LDLRAD3: variants seen among roughly 807,000 people sequenced by gnomAD.
The protein encoded by LDLRAD3 is low density lipoprotein receptor class A domain containing 3, also known as low-density lipoprotein receptor class A domain-containing protein 3.
LDLRAD3 carries 20 observed loss-of-function variants against 29.4 expected under a neutral mutation model. The observed-to-expected ratio is 0.68, with a 90% CI of 0.48 to 0.99. The LOEUF is 0.99. Ranked by LOEUF, LDLRAD3 falls within the 50% of genes least tolerant of loss-of-function variation. The pLI is 0.00. For missense variants in LDLRAD3, 420 were observed against 454.3 expected (o/e 0.92, Z 0.69); for synonymous variants, 157 against 192.7 (o/e 0.81, Z 1.53).
chr11:36,119,705 A>T (rs1192292104), intron 4 of LDLRAD3, among the ~76,000 whole-genome samples: 1 of 151,972 alleles, frequency 6.6e-6, no homozygotes, highest in African/African-American at 2.4e-5. Context: ...TTGAGTTGTA[A>T]AAGTTCTTTT....
chr11:36,220,969 TTGC>T lies in LDLRAD3; in HGVS notation c.455-6115_455-6113del, dbSNP rs1454288162. 1.3e-4 allele frequency among the ~76,000 whole-genome samples: 20 copies of T among 152,072 alleles called. No individual in the cohort carries two copies. The South Asian group carries it at 2.9e-3, about 22-fold the overall frequency. On this transcript the variant is annotated intron_variant, in intron 4 of 5. Coordinates refer to ENST00000315571, the MANE Select transcript of LDLRAD3 (RefSeq NM_174902.4). ...CTGAAAAAAAATACTTCTAAAAAAA[TTGC>T]AAGGTAGGAGTTTTTCAAAGGGATG...
At chr11:36,174,691 C>T (rs377732700) in intron 4 of LDLRAD3, among the ~76,000 whole-genome samples, 41 of 152,120 alleles carry the variant, frequency 2.7e-4, no homozygotes, top group Middle Eastern at 3.2e-3. Context: ...GTTAGAATGG[C>T]GATCATTAGG....
chr11:35,995,864 C>G (rs1321561617), intron 1 of LDLRAD3, among the ~76,000 whole-genome samples: 5 of 152,214 alleles, frequency 3.3e-5, no homozygotes, highest in Non-Finnish European at 5.9e-5. Context: ...CCTTCTGCAG[C>G]TTTCTCACCT....
At chr11:36,023,187 G>T (rs534197337) in intron 1 of LDLRAD3, among the ~76,000 whole-genome samples, 6 of 152,274 alleles carry the variant, frequency 3.9e-5, no homozygotes, top group Non-Finnish European at 7.4e-5. Flanking sequence ...CTCCCTGGCG[G>T]GGTTGCTTTC....
intron 1 of LDLRAD3, among the ~76,000 whole-genome samples, chr11:36,024,417 G>C (rs1200985255): frequency 1.3e-5 from 2 of 152,150 alleles, no homozygotes; most frequent in Non-Finnish European, 1.5e-5. Context: ...TGCTGCCAGG[G>C]ATGTGGGGTT....
intron 4 of LDLRAD3, among the ~76,000 whole-genome samples, chr11:36,144,868 C>T (rs1358428484): frequency 9.9e-6 from 1 of 101,434 alleles, no homozygotes; most frequent in Non-Finnish European, 2.2e-5. Flanking sequence ...GGTCAGCCCC[C>T]CGCCCGGCCA....
chr11:36,067,692 A>T (rs1249879655), intron 2 of LDLRAD3, among the ~76,000 whole-genome samples: 3 of 152,162 alleles, frequency 2.0e-5, no homozygotes, highest in Non-Finnish European at 4.4e-5. Context: ...TTTTTTTGAG[A>T]CAGGATCTTG....
intron 4 of LDLRAD3, among the ~76,000 whole-genome samples, chr11:36,194,775 C>T (rs1174685320): frequency 6.6e-6 from 1 of 152,172 alleles, no homozygotes; most frequent in African/African-American, 2.4e-5. Flanking sequence ...CTCTGTCATC[C>T]TTGACTCATT....
chr11:35,955,869 A>G (rs756816973), intron 1 of LDLRAD3, among the ~76,000 whole-genome samples: 1 of 152,250 alleles, frequency 6.6e-6, no homozygotes, highest in Non-Finnish European at 1.5e-5. Flanking sequence ...TGGTGTGTGC[A>G]GTGGGAATGG....
chr11:36,111,734 G>A (rs1853608465), intron 4 of LDLRAD3, among the ~76,000 whole-genome samples: 1 of 152,096 alleles, frequency 6.6e-6, no homozygotes, highest in Non-Finnish European at 1.5e-5. Flanking sequence ...CGAGTAGCGG[G>A]GATTACAGGC....
At chr11:35,995,741 A>G (rs779143091) in intron 1 of LDLRAD3, among the ~76,000 whole-genome samples, 1 of 152,250 alleles carries the variant, frequency 6.6e-6, no homozygotes, top group Non-Finnish European at 1.5e-5. Context: ...TCTTTTGGAT[A>G]ACTTGCTGCA....
chr11:36,100,446 G>T (rs972159913), intron 4 of LDLRAD3, among the ~76,000 whole-genome samples: 4 of 152,062 alleles, frequency 2.6e-5, no homozygotes, highest in African/African-American at 4.8e-5. Flanking sequence ...TTCTTTTTTT[G>T]GGGGGATGGC....
chr11:35,955,091 A>T (rs546492972), intron 1 of LDLRAD3, among the ~76,000 whole-genome samples: 1 of 152,236 alleles, frequency 6.6e-6, no homozygotes, highest in South Asian at 2.1e-4. Context: ...CTAAAAATAT[A>T]AAAATTAGCC....
chr11:36,228,583 A>G (rs755348052), intron 5 of LDLRAD3, among the ~76,000 whole-genome samples: 56 of 152,234 alleles, frequency 3.7e-4, no homozygotes, highest in Admixed American at 7.8e-4. Flanking sequence ...TAAGGTAAGG[A>G]ATGTAAGGGG....
intron 1 of LDLRAD3, among the ~76,000 whole-genome samples, chr11:35,998,964 T>A (rs12281246): frequency 2.6e-5 from 4 of 151,982 alleles, no homozygotes; most frequent in Non-Finnish European, 5.9e-5. Flanking sequence ...CACATTTCAG[T>A]CATTCGTTCA....
chr11:36,193,908 G>C (rs1050776352), intron 4 of LDLRAD3, among the ~76,000 whole-genome samples: 24 of 152,132 alleles, frequency 1.6e-4, no homozygotes, highest in African/African-American at 5.8e-4. Context: ...TCTTGGGAAT[G>C]TTATTTTACT....
intron 4 of LDLRAD3, among the ~76,000 whole-genome samples, chr11:36,105,103 C>G (rs1853507556): frequency 6.6e-6 from 1 of 151,976 alleles, no homozygotes; most frequent in African/African-American, 2.4e-5. Context: ...CTTGCTGTAT[C>G]CTGGTGATAA....
chr11:36,094,898 T>G (rs1377350758), intron 3 of LDLRAD3, among the ~76,000 whole-genome samples: 1 of 152,240 alleles, frequency 6.6e-6, no homozygotes, highest in Non-Finnish European at 1.5e-5. Context: ...CATTTTTGTT[T>G]CTTCAAGAGT....
At chr11:36,105,278 G>A (rs969086865) in intron 4 of LDLRAD3, among the ~76,000 whole-genome samples, 1 of 151,734 alleles carries the variant, frequency 6.6e-6, no homozygotes, top group South Asian at 2.1e-4. Context: ...AAGGCGGTGT[G>A]TGTGGTTGTA....
Sources: allele counts gnomAD v4.1 joint callset (sites outside exome capture counted in the v4.1 genomes callset), GRCh38; gene constraint gnomAD v4.1.1; transcripts MANE v1.5; gene names NCBI Gene and HGNC (gene_info 2026-07-23, HGNC 2026-07-21).